The following COX15 variants were observed in gnomAD, a reference collection of about 807,000 sequenced individuals.
COX15 encodes heme A synthase COX15.
In COX15, 51 loss-of-function variants were observed where a neutral mutation model predicts 51.9. The ratio of observed to expected loss-of-function variants is 0.98; its 90% CI spans 0.78 to 1.24. The LOEUF is 1.24. Ranked by LOEUF, COX15 falls within the 50% of genes most tolerant of loss-of-function variation. COX15 has a pLI of 0.00. For synonymous variants in COX15, 188 were observed against 190.5 expected (o/e 0.99, Z 0.11); for missense variants, 420 against 501.1 (o/e 0.84, Z 1.55).
In COX15 at chr10:99,714,308, CAA is replaced by C; in HGVS notation, c.*277_*278del. The stretch of plus-strand genomic sequence containing the variant: ...CTTGCCAACACTGAAAAACCTGACA[CAA>C]AGCCTGTTAAGCAGCAAATGGCAGA... On this transcript the variant is annotated 3_prime_UTR_variant, in exon 9 of 9. Transcript: ENST00000016171. 1.6e-6 allele frequency: 2 copies of C among 1,226,208 alleles called. No homozygotes were observed. Among genetic ancestry groups the C allele is most frequent in the Non-Finnish European group, 2.1e-6 (2 of 968,326 alleles). 76.0% of individuals were successfully genotyped at this position (1,226,208 alleles called of 1,614,324 possible).
At chr10:99,715,986 CTTTT>C (rs35354032) in intron 8 of COX15, among the ~76,000 whole-genome samples, 5 of 130,178 alleles carry the variant, frequency 3.8e-5, no homozygotes, top group Non-Finnish European at 6.3e-5. Flanking sequence ...GTCACCTTTC[CTTTT>C]TTTTTTTTTT....
downstream of COX15, chr10:99,709,203 G>A (rs763822568): frequency 2.3e-5 from 23 of 985,334 alleles, no homozygotes; most frequent in Admixed American, 1.2e-4. Flanking sequence ...AAAGAACTTC[G>A]TTGTAATTCT....
At position 99,723,919 on chromosome 10, in the gene COX15, G is replaced by A. The variant is rs375763525; in HGVS notation, c.750+37C>T. On this transcript the variant is annotated intron_variant, in intron 5 of 8. Transcript: ENST00000016171. ...ATATATATCCAAAAGAACCAAAAGC[G>A]GGGTCTTGAACACAGATATTTGCAC... 10 of 1,606,938 alleles carry A rather than the reference G, an allele frequency of 6.2e-6. No individual in the cohort carries two copies. The South Asian group carries it at 7.7e-5, about 12-fold the overall frequency.
Position 99,721,017 on chromosome 10 carries a change from C to T in COX15, c.802G>A (p.Ala268Thr). ...AGGGCCGTAAGGAACACCAGACCTG[C>T]TGTTCCATGAGCAAATCGTCTCAAC... The part of the protein sequence containing the change: ...LQLRRFAHGT[A>T]GLVFLTALSG... Residue 268 changes from alanine (A) to threonine (T), a missense_variant, in exon 6 of 9, where the codon GCA (alanine) becomes ACA (threonine). By Grantham distance (58) the Ala-to-Thr change is moderately conservative. Transcript: ENST00000016171. 6.2e-7 allele frequency: 1 copy of T among 1,613,794 alleles called. No homozygotes were observed.
chr10:99,697,491 G>A, the COX15 span: 6 of 162,290 alleles, frequency 3.7e-5, no homozygotes, highest in South Asian at 1.1e-3. Flanking sequence ...CTTCCCATGC[G>A]TTGGTATTTT....
the COX15 span, chr10:99,704,589 G>A: frequency 3.1e-6 from 5 of 1,613,994 alleles, no homozygotes; most frequent in East Asian, 2.2e-5. Flanking sequence ...CGGCTACGCC[G>A]AATTCACCAC....
chr10:99,725,528 C>G (rs2036919097), intron 4 of COX15, among the ~76,000 whole-genome samples: 2 of 152,124 alleles, frequency 1.3e-5, no homozygotes, highest in South Asian at 4.1e-4. Context: ...TCTATTTCTT[C>G]TCTCTCATCT....
Position 99,729,563 on chromosome 10 carries a change from C to T in COX15, c.262G>A (p.Gly88Arg). The T allele has an allele frequency of 6.2e-7, 1 of 1,613,400 alleles. No homozygotes were observed. Among genetic ancestry groups the T allele is most frequent in the Non-Finnish European group, 8.5e-7 (1 of 1,179,980 alleles). Reference sequence around the variant, plus strand: ...GAGCAAATTACTTACCTAGTTACTCCACCAAGAATAACTGCTCCAGCCACT... The same window carrying T: ...GAGCAAATTACTTACCTAGTTACTCTACCAAGAATAACTGCTCCAGCCACT... Reference protein sequence around the residue: ...GTVAGAVILGGVTRLTESGLS... With the variant: ...GTVAGAVILGRVTRLTESGLS... Residue 88 changes from glycine (G) to arginine (R), a missense_variant, in exon 2 of 9, where the codon GGA becomes AGA. Physicochemically the swap from Gly to Arg is moderately radical, Grantham distance 125. Transcript: ENST00000016171.
chr10:99,706,554 C>T (rs528050746), downstream of COX15, among the ~76,000 whole-genome samples: 1 of 151,874 alleles, frequency 6.6e-6, no homozygotes, highest in African/African-American at 2.4e-5. Flanking sequence ...AGGCTGGTCT[C>T]AAACTCTTGG....
In COX15 at chr10:99,712,599, ATAAACT is replaced by A. The variant is rs2036430153; in HGVS notation, c.*1982_*1987del. 2 of 984,488 alleles carry A rather than the reference ATAAACT, an allele frequency of 2.0e-6. No homozygotes were observed. The highest frequency in any genetic ancestry group is 4.7e-5 in the South Asian group (1 of 21,276). 61.0% of individuals were successfully genotyped at this position (984,488 alleles called of 1,614,324 possible). On this transcript the variant is annotated 3_prime_UTR_variant, in exon 9 of 9. Transcript: ENST00000016171. ...GGAATCTAGGTATATCCAAGGAAAA[ATAAACT>A]TAAGATAAGCTTATTTTCCTTATTT...
chr10:99,703,652 TAC>T, the COX15 span, among the ~76,000 whole-genome samples: 1 of 152,200 alleles, frequency 6.6e-6, no homozygotes, highest in South Asian at 2.1e-4. Context: ...CTGACTGTAA[TAC>T]AGTTGATCAG....
In COX15 at chr10:99,712,448, A is replaced by G; in HGVS notation, c.*2139T>C. 3.0e-6 allele frequency: 3 copies of G among 985,368 alleles called. No individual in the cohort carries two copies. Among genetic ancestry groups the G allele is most frequent in the Non-Finnish European group, 3.6e-6 (3 of 829,882 alleles). The allele number at this position is 985,368 out of a possible 1,614,324, so 61.0% of individuals were successfully genotyped here. A position where few individuals can be genotyped will look rare whatever the true frequency, so the allele number is the denominator to read the frequency against. ...GTGGCTTATTTTTAAAAAACAGAAG[A>G]TTTGCTGACTTAAACACTGCAAAAT... On this transcript the variant is annotated 3_prime_UTR_variant, in exon 9 of 9. Coordinates refer to ENST00000016171, the MANE Select transcript of COX15 (RefSeq NM_078470.6).
chr10:99,704,724 G>C, the COX15 span: 2 of 1,550,366 alleles, frequency 1.3e-6, no homozygotes, highest in South Asian at 1.2e-5. Flanking sequence ...CCCCCGAGTT[G>C]CTGCTCATTG....
In COX15 at chr10:99,732,068, C is replaced by G. The variant is rs766054619; in HGVS notation, c.-19G>C. 5 of 1,608,380 alleles carry G rather than the reference C, an allele frequency of 3.1e-6. No homozygotes were observed. Among genetic ancestry groups the G allele is most frequent in the South Asian group, 1.1e-5 (1 of 90,074 alleles). ...GCTGCATACTGATGACAGGGAACAGCCACCTCTTCCACAACCCAGGGCTCT... is the reference window on the plus strand; with the variant it reads ...GCTGCATACTGATGACAGGGAACAGGCACCTCTTCCACAACCCAGGGCTCT... On this transcript the variant is annotated 5_prime_UTR_variant, in exon 1 of 9. Coordinates refer to ENST00000016171, the MANE Select transcript of COX15 (RefSeq NM_078470.6).
chr10:99,710,405 T>C (rs2036343492), downstream of COX15: 1 of 985,078 alleles, frequency 1.0e-6, no homozygotes, highest in Non-Finnish European at 1.2e-6. Context: ...CCTTGATCAA[T>C]GGCCTCTGCG....
Position 99,713,891 on chromosome 10 carries a change from C to A in COX15, c.*696G>T. On this transcript the variant is annotated 3_prime_UTR_variant, in exon 9 of 9. Coordinates refer to ENST00000016171, the MANE Select transcript of COX15 (RefSeq NM_078470.6). ...GGCTGAGGCATGAGAATCGCTTGAA[C>A]CTGGGAAGTGGAGGTTGCAGAGTGA... 1.6e-6 allele frequency: 1 copy of A among 608,014 alleles called. No homozygotes were observed. The allele number at this position is 608,014 out of a possible 1,614,324, so 37.7% of individuals were successfully genotyped here.
At chr10:99,700,226 C>T in the COX15 span, among the ~76,000 whole-genome samples, 3 of 152,138 alleles carry the variant, frequency 2.0e-5, no homozygotes. Context: ...ATTATCTTTT[C>T]CAGGTAAAAG....
downstream of COX15, chr10:99,710,393 T>C (rs968694240): frequency 2.3e-5 from 23 of 985,324 alleles, no homozygotes; most frequent in Non-Finnish European, 2.8e-5. Context: ...CCTTTATTTC[T>C]ACCTTGATCA....
chr10:99,729,774 G>A (rs1237849787), intron 1 of COX15, 40 bp from the exon 2 acceptor site: 2 of 1,604,284 alleles, frequency 1.2e-6, no homozygotes, highest in South Asian at 2.2e-5. Flanking sequence ...GGAGAAACAG[G>A]GAATGGCTGC....
Sources: gnomAD v4.1 joint callset for allele counts (sites outside exome capture counted in the v4.1 genomes callset) on GRCh38, gnomAD v4.1.1 for gene constraint, MANE v1.5 for transcripts, NCBI Gene and HGNC (gene_info 2026-07-23, HGNC 2026-07-21) for gene names.